Variants in TBL1XR1 observed in about 807,000 individuals in gnomAD.
TBL1XR1 encodes F-box-like/WD repeat-containing protein TBL1XR1.
In TBL1XR1, 5 loss-of-function variants were observed where a neutral mutation model predicts 66.9. The ratio of observed to expected loss-of-function variants is 0.07; its 90% CI spans 0.04 to 0.16. The LOEUF is 0.16. Among genes scored for constraint, TBL1XR1 ranks in the 10% least tolerant of loss-of-function variants. The probability of loss-of-function intolerance (pLI) is 1.00; values close to 1 mark genes in which losing one functional copy is unlikely to be tolerated. For missense variants in TBL1XR1, 238 were observed against 623.2 expected, an observed-to-expected ratio of 0.38 and a Z score of 6.58; for synonymous variants, 210 against 206.0, an observed-to-expected ratio of 1.02 and a Z score of -0.17.
rs139846431 is a variant in TBL1XR1 at position 177,093,634 on chromosome 3, A to G, written c.-46+4832T>C. Among the ~76,000 whole-genome samples the G allele has an allele frequency of 2.0e-5, 3 of 152,374 alleles. No homozygotes were observed. In the East Asian group the frequency reaches 5.8e-4, roughly 29 times the overall value. On this transcript the variant is annotated intron_variant, in intron 2 of 15. Transcript: ENST00000457928. ...TGGTATAAAAATAGGCACATAGGCC[A>G]ATGGAACAGAACAGAGAACCCAGAA...
chr3:177,051,435 C>T (rs576339662), intron 5 of TBL1XR1, 69 bp downstream of exon 5: 12 of 1,412,870 alleles, frequency 8.5e-6, no homozygotes, highest in South Asian at 2.9e-5. Flanking sequence ...ACATGTACCC[C>T]GAATTAAAAG....
intron 1 of TBL1XR1, among the ~76,000 whole-genome samples, chr3:177,179,292 AG>A: frequency 6.6e-6 from 1 of 152,268 alleles, no homozygotes; most frequent in African/African-American, 2.4e-5. Context: ...GTGTACTTTG[AG>A]CTCGACTATT....
At chr3:177,108,198 CACTT>C (rs1374917272) in intron 1 of TBL1XR1, among the ~76,000 whole-genome samples, 2 of 152,064 alleles carry the variant, frequency 1.3e-5, no homozygotes, top group African/African-American at 2.4e-5. Flanking sequence ...CAAGCAAAAA[CACTT>C]ACTATTTAAA....
At chr3:177,058,135 T>TA (rs925031104) in intron 3 of TBL1XR1, among the ~76,000 whole-genome samples, 8 of 152,110 alleles carry the variant, frequency 5.3e-5, no homozygotes, top group Admixed American at 2.6e-4. Flanking sequence ...GACAAACTGG[T>TA]AAAAAAGGCA....
At chr3:177,130,577 C>T (rs894286401) in intron 1 of TBL1XR1, among the ~76,000 whole-genome samples, 1 of 152,112 alleles carries the variant, frequency 6.6e-6, no homozygotes, top group Non-Finnish European at 1.5e-5. Context: ...TAATAATACC[C>T]GTCACTCCAG....
At chr3:177,178,716 A>C (rs1234338754) in intron 1 of TBL1XR1, among the ~76,000 whole-genome samples, 1 of 152,154 alleles carries the variant, frequency 6.6e-6, no homozygotes, top group African/African-American at 2.4e-5. Flanking sequence ...AAAATAAAGG[A>C]GATGGGACCA....
rs1712095500 is a variant in TBL1XR1, at chr3:177,019,546, G to A, written c.*5952C>T. 1 of 152,134 alleles carries A rather than the reference G, an allele frequency of 6.6e-6. No individual in the cohort carries two copies. Among genetic ancestry groups the A allele is most frequent in the African/African-American group, 2.4e-5 (1 of 41,424 alleles). The allele number at this position is 152,134 out of a possible 1,614,324, so 9.4% of individuals were successfully genotyped here. A position where few individuals can be genotyped will look rare whatever the true frequency, so the allele number is the denominator to read the frequency against. On this transcript the variant is annotated 3_prime_UTR_variant, in exon 16 of 16. Coordinates refer to ENST00000457928, the MANE Select transcript of TBL1XR1 (RefSeq NM_024665.7). ...GATGACAAAGCACTTTGGTACAGCA[G>A]AGAAAAGCACCATAAAACTACCATC...
chr3:177,025,145 GGAGAAAC>G lies in TBL1XR1; in HGVS notation c.*346_*352del, dbSNP rs1712928486. On this transcript the variant is annotated 3_prime_UTR_variant, in exon 16 of 16. Transcript: ENST00000457928. ...TCCATGGTGTCTGCTGATTCAAAGG[GGAGAAAC>G]AAGGCTGTCATTTAGTATCCAAAAA... is the stretch of plus-strand genomic sequence containing the variant. 8.5e-6 allele frequency: 2 copies of G among 234,828 alleles called. No homozygotes were observed. The highest frequency in any genetic ancestry group is 3.1e-4 in the South Asian group (2 of 6,428). 14.5% of individuals were successfully genotyped at this position (234,828 alleles called of 1,614,324 possible).
intron 1 of TBL1XR1, among the ~76,000 whole-genome samples, chr3:177,165,013 C>T (rs1164933291): frequency 6.6e-6 from 1 of 151,968 alleles, no homozygotes; most frequent in African/African-American, 2.4e-5. Flanking sequence ...TTTTACTTAA[C>T]CTTAATGCCT....
intron 1 of TBL1XR1, among the ~76,000 whole-genome samples, chr3:177,176,033 T>G (rs1457776167): frequency 6.7e-6 from 1 of 148,452 alleles, no homozygotes; most frequent in Non-Finnish European, 1.5e-5. Flanking sequence ...CACTCCAGCC[T>G]GGGCAACAGA....
intron 1 of TBL1XR1, among the ~76,000 whole-genome samples, chr3:177,179,092 G>C (rs1031593693): frequency 6.9e-6 from 1 of 145,222 alleles, no homozygotes; most frequent in Non-Finnish European, 1.5e-5. Context: ...ACTCCAGCCT[G>C]GGCAACAAGA....
At chr3:177,149,440 T>A (rs1730628731) in intron 1 of TBL1XR1, among the ~76,000 whole-genome samples, 1 of 152,190 alleles carries the variant, frequency 6.6e-6, no homozygotes, top group African/African-American at 2.4e-5. Context: ...AAGAATATAT[T>A]TTATAATACT....
At chr3:177,155,911 A>T (rs1018747084) in intron 1 of TBL1XR1, among the ~76,000 whole-genome samples, 1 of 152,078 alleles carries the variant, frequency 6.6e-6, no homozygotes, top group Non-Finnish European at 1.5e-5. Context: ...CGGGAGGCTG[A>T]GGCACAGGAA....
At chr3:177,083,151 GA>G (rs1273489241) in intron 2 of TBL1XR1, among the ~76,000 whole-genome samples, 1 of 151,720 alleles carries the variant, frequency 6.6e-6, no homozygotes, top group Non-Finnish European at 1.5e-5. Context: ...ATCCATAAAT[GA>G]CTATTGGTCA....
chr3:177,181,724 A>T (rs1734845621), intron 1 of TBL1XR1, among the ~76,000 whole-genome samples: 1 of 152,008 alleles, frequency 6.6e-6, no homozygotes, highest in South Asian at 2.1e-4. Context: ...GAAGGGCAGC[A>T]GTAGATGTAT....
rs1364989350 is a variant in TBL1XR1 at position 177,038,140 on chromosome 3, A to T, written c.1080T>A (p.Thr360=). The change falls in exon 12 of 16, where the codon ACT becomes ACA. Residue 360 remains threonine (T), a synonymous_variant. Coordinates refer to ENST00000457928, the MANE Select transcript of TBL1XR1 (RefSeq NM_024665.7). ...NEVNAIKWDP[T]GNLLASCSDD... The stretch of plus-strand genomic sequence containing the variant: ...CAGAACAGGAGGCCAAGAGATTGCC[A>T]GTTGGGTCCCATTTGATAGCATTTA... 7.4e-6 allele frequency: 12 copies of T among 1,613,306 alleles called. No individual in the cohort carries two copies. Among genetic ancestry groups the T allele is most frequent in the Non-Finnish European group, 1.0e-5 (12 of 1,179,818 alleles).
chr3:177,115,052 G>A (rs1344272403), intron 1 of TBL1XR1, among the ~76,000 whole-genome samples: 1 of 151,950 alleles, frequency 6.6e-6, no homozygotes, highest in African/African-American at 2.4e-5. Flanking sequence ...GAGTGAGGCG[G>A]TCTACATCCA....
chr3:177,153,600 A>C (rs182652062), intron 1 of TBL1XR1, among the ~76,000 whole-genome samples: 4 of 152,334 alleles, frequency 2.6e-5, no homozygotes. Context: ...AAAAGTATGC[A>C]ATAAAGGCCA....
At chr3:177,035,779 A>G (rs1714694515) in intron 12 of TBL1XR1, among the ~76,000 whole-genome samples, 1 of 152,144 alleles carries the variant, frequency 6.6e-6, no homozygotes, top group Non-Finnish European at 1.5e-5. Context: ...GTACACTAAC[A>G]CACAGATATC....
Sources: gnomAD v4.1 joint callset for allele counts (sites outside exome capture counted in the v4.1 genomes callset) on GRCh38, gnomAD v4.1.1 for gene constraint, MANE v1.5 for transcripts, NCBI Gene and HGNC (gene_info 2026-07-23, HGNC 2026-07-21) for gene names.